The following ABCC1 variants were observed in gnomAD, a reference collection of about 807,000 sequenced individuals.
The protein encoded by ABCC1 is multidrug resistance-associated protein 1.
Under a neutral mutation model 172.9 loss-of-function variants are expected in ABCC1, and 83 were observed. The observed-to-expected ratio is 0.48, with a 90% CI of 0.40 to 0.58. The LOEUF (loss-of-function observed/expected upper bound fraction) is 0.58. Ranked by LOEUF, ABCC1 falls within the 20% of genes least tolerant of loss-of-function variation. The pLI is 0.00. For synonymous variants in ABCC1, 937 were observed against 825.2 expected (o/e 1.14, Z -2.32); for missense variants, 1,817 against 2,002.7 (o/e 0.91, Z 1.77).
chr16:16,135,469 C>CT (rs2045884451), intron 28 of ABCC1, among the ~76,000 whole-genome samples: 1 of 151,806 alleles, frequency 6.6e-6, no homozygotes, highest in South Asian at 2.1e-4. Context: ...TCTTTTTTTT[C>CT]TTTTTTTAAC....
chr16:16,091,793 A>G lies in ABCC1; in HGVS notation c.2644+1205A>G, dbSNP rs768951703. ...CCTGGGAAGCCACTGAGTGTCAGAG[A>G]GGCAAAGTGACCAGCCCCAGGATAC... On this transcript the variant is annotated intron_variant, in intron 19 of 30. Transcript: ENST00000399410. Among the ~76,000 whole-genome samples the G allele has an allele frequency of 7.2e-5, 11 of 152,180 alleles. No homozygotes were observed. In the East Asian group the frequency reaches 1.7e-3, roughly 24 times the overall value.
intron 13 of ABCC1, among the ~76,000 whole-genome samples, chr16:16,069,744 C>A (rs761344470): frequency 6.6e-6 from 1 of 150,920 alleles, no homozygotes; most frequent in Admixed American, 6.6e-5. Flanking sequence ...AAAAAAAAAG[C>A]CAAGCATGAT....
intron 26 of ABCC1, among the ~76,000 whole-genome samples, chr16:16,129,014 A>C (rs954489959): frequency 2.9e-5 from 4 of 136,690 alleles, no homozygotes; most frequent in African/African-American, 1.0e-4. Context: ...AAAAACAAAG[A>C]AGTTTATGGT....
In ABCC1 at chr16:16,009,769, C is replaced by A. The variant is rs773633978; in HGVS notation, c.226-7C>A. On this transcript the variant is annotated splice_region_variant and splice_polypyrimidine_tract_variant and intron_variant, in intron 2 of 30. Transcript: ENST00000399410. ...TGTTGTAGGATATGTATGTGCTTCTCTTCCAGGCCTTGGGATTTTTGCTGT... is the reference window on the plus strand; with the variant it reads ...TGTTGTAGGATATGTATGTGCTTCTATTCCAGGCCTTGGGATTTTTGCTGT... 1.2e-6 allele frequency: 2 copies of A among 1,603,182 alleles called. No individual in the cohort carries two copies. Among genetic ancestry groups the A allele is most frequent in the Admixed American group, 3.4e-5 (2 of 58,398 alleles).
intron 19 of ABCC1, among the ~76,000 whole-genome samples, chr16:16,096,528 T>C (rs2051488107): frequency 6.6e-6 from 1 of 152,186 alleles, no homozygotes; most frequent in African/African-American, 2.4e-5. Flanking sequence ...CTGGCTGTCC[T>C]CAGAGGCCGG....
intron 23 of ABCC1, among the ~76,000 whole-genome samples, chr16:16,121,523 C>T (rs1238302604): frequency 6.6e-6 from 1 of 152,208 alleles, no homozygotes; most frequent in Admixed American, 6.5e-5. Flanking sequence ...AGGTGAAAGG[C>T]TTCAGAGAGG....
Position 15,972,244 on chromosome 16 carries a change from G to A in ABCC1, c.48+22445G>A, listed in dbSNP as rs143236580. On this transcript the variant is annotated intron_variant, in intron 1 of 30. Transcript: ENST00000399410. ...CTTTCCCCAGCTGTTTTGCCCCTCA[G>A]TCATTTGAGTCTAGTCTTCAGGATT... Among the ~76,000 whole-genome samples, 5 of 152,228 alleles carry A rather than the reference G, an allele frequency of 3.3e-5. No individual in the cohort carries two copies. In the East Asian group the frequency reaches 9.6e-4, roughly 29 times the overall value.
intron 14 of ABCC1, 137 bp from the exon 15 acceptor site, chr16:16,076,189 T>C (rs1454764891): frequency 1.3e-6 from 1 of 783,608 alleles, no homozygotes; most frequent in African/African-American, 1.8e-5. Context: ...CCGTGGCTGA[T>C]GTCACCAGAT....
rs148834444 is a variant in ABCC1, at chr16:15,982,803, C to CAAAAAA, written c.49-24997_49-24992dup. On this transcript the variant is annotated intron_variant, in intron 1 of 30. Transcript: ENST00000399410. ...TCTGGGCAACAGAGTGAGACGCTGT[C>CAAAAAA]AAAAAAAAAAAAAAAAAAAAAGGAA... is the stretch of plus-strand genomic sequence containing the variant. 6.8e-3 allele frequency among the ~76,000 whole-genome samples: 293 copies of CAAAAAA among 43,214 alleles called. 18 individuals are homozygous for CAAAAAA. Among genetic ancestry groups the CAAAAAA allele is most frequent in the African/African-American group, 0.023 (269 of 11,934 alleles). The allele number at this position is 43,214 out of a possible 152,430, so 28.4% of individuals were successfully genotyped here. A position where few individuals can be genotyped will look rare whatever the true frequency, so the allele number is the denominator to read the frequency against.
At chr16:16,022,072 C>A (rs1435463375) in intron 5 of ABCC1, among the ~76,000 whole-genome samples, 4 of 152,230 alleles carry the variant, frequency 2.6e-5, no homozygotes, top group African/African-American at 9.6e-5. Context: ...GCTCTCCCAT[C>A]CTCAGAGCAG....
At position 16,134,334 on chromosome 16, in the gene ABCC1, C is replaced by A. The variant is rs995192611; in HGVS notation, c.3967-16C>A. 2.5e-6 allele frequency: 4 copies of A among 1,613,796 alleles called. No individual in the cohort carries two copies. The highest frequency in any genetic ancestry group is 3.4e-6 in the Non-Finnish European group (4 of 1,179,956). On this transcript the variant is annotated splice_polypyrimidine_tract_variant and intron_variant, in intron 27 of 30. Transcript: ENST00000399410. ...TGCCAGCATTCCCACCACACCTGGG[C>A]CCTTCTGTCCTGCAGGTCGGCATCG...
intron 30 of ABCC1, among the ~76,000 whole-genome samples, chr16:16,140,828 C>T (rs1365590760): frequency 6.6e-6 from 1 of 152,202 alleles, no homozygotes; most frequent in East Asian, 1.9e-4. Flanking sequence ...TACTATCTGG[C>T]CTTTTTCAGA....
rs1251904604 is a variant in ABCC1, at chr16:15,979,492, C to T, written c.49-28324C>T. On this transcript the variant is annotated intron_variant, in intron 1 of 30. Coordinates refer to ENST00000399410, the MANE Select transcript of ABCC1 (RefSeq NM_004996.4). Reference sequence around the variant, plus strand: ...AGCCAAAATGACCCTGGGGCTTATTCTCTCTCTCTCTCTCTTTTTTAATAA... The same window carrying T: ...AGCCAAAATGACCCTGGGGCTTATTTTCTCTCTCTCTCTCTTTTTTAATAA... Among the ~76,000 whole-genome samples the T allele has an allele frequency of 7.2e-5, 10 of 138,712 alleles. No homozygotes were observed. The Admixed American group carries it at 7.4e-4, about 10-fold the overall frequency. 91.0% of individuals were successfully genotyped at this position (138,712 alleles called of 152,430 possible). A position where few individuals can be genotyped will look rare whatever the true frequency, so the allele number is the denominator to read the frequency against.
chr16:15,952,752 G>A (rs866642076), intron 1 of ABCC1, among the ~76,000 whole-genome samples: 2 of 148,390 alleles, frequency 1.3e-5, no homozygotes, highest in Admixed American at 6.8e-5. Flanking sequence ...AAAGCAGGCC[G>A]GGTGCAGTGG....
chr16:16,050,742 A>G (rs912854050), intron 10 of ABCC1, among the ~76,000 whole-genome samples: 12 of 151,290 alleles, frequency 7.9e-5, no homozygotes, highest in African/African-American at 2.7e-4. Context: ...AAAAAAAAAA[A>G]AAAAAAAAAA....
At chr16:16,131,517 A>C (rs2045671611) in intron 26 of ABCC1, among the ~76,000 whole-genome samples, 2 of 152,106 alleles carry the variant, frequency 1.3e-5, no homozygotes, top group Admixed American at 6.5e-5. Context: ...GAGCCCCAAG[A>C]GGGCTGGGGA....
chr16:15,991,738 C>T (rs1422290125), intron 1 of ABCC1, among the ~76,000 whole-genome samples: 2 of 152,148 alleles, frequency 1.3e-5, no homozygotes, highest in South Asian at 4.1e-4. Flanking sequence ...CCTAGAGTTA[C>T]GGGGAGGAGT....
At chr16:15,976,015 C>G (rs1383497464) in intron 1 of ABCC1, among the ~76,000 whole-genome samples, 1 of 151,942 alleles carries the variant, frequency 6.6e-6, no homozygotes, top group Non-Finnish European at 1.5e-5. Flanking sequence ...CCTGTTATCC[C>G]AGCACTTTGG....
rs546587917 is a variant in ABCC1 at position 16,120,182 on chromosome 16, G to A, written c.3391-1793G>A. On this transcript the variant is annotated intron_variant, in intron 23 of 30. Coordinates refer to ENST00000399410, the MANE Select transcript of ABCC1 (RefSeq NM_004996.4). ...GCTTTTTGTTGGACTCTGCCCCAAAGCAGCCCAGTACACCTGGCCCAGGGC... is the reference window on the plus strand; with the variant it reads ...GCTTTTTGTTGGACTCTGCCCCAAAACAGCCCAGTACACCTGGCCCAGGGC... 2.0e-5 allele frequency among the ~76,000 whole-genome samples: 3 copies of A among 151,838 alleles called. No homozygotes were observed. The South Asian group carries it at 6.2e-4, about 32-fold the overall frequency.
Sources: gnomAD v4.1 joint callset for allele counts (sites outside exome capture counted in the v4.1 genomes callset) on GRCh38, gnomAD v4.1.1 for gene constraint, MANE v1.5 for transcripts, NCBI Gene and HGNC (gene_info 2026-07-23, HGNC 2026-07-21) for gene names.